ARHGAP22: variants seen among roughly 807,000 people sequenced by gnomAD.
ARHGAP22 encodes the protein Rho GTPase activating protein 22, also known as rho GTPase-activating protein 22.
A neutral mutation model predicts 59.1 loss-of-function variants in ARHGAP22; 48 were observed. That is an observed-to-expected ratio of 0.81 (90% CI 0.64 to 1.03). The LOEUF is 1.03. Ranked by LOEUF, ARHGAP22 falls within the 50% of genes least tolerant of loss-of-function variation. The pLI is 0.00. For missense variants in ARHGAP22, 1,015 were observed against 958.7 expected (o/e 1.06, Z -0.78); for synonymous variants, 445 against 416.4 (o/e 1.07, Z -0.84).
intron 1 of ARHGAP22, among the ~76,000 whole-genome samples, chr10:48,651,153 C>A (rs1440292296): frequency 3.3e-5 from 5 of 152,176 alleles, no homozygotes; most frequent in Admixed American, 1.3e-4. Context: ...CCAATTAAAC[C>A]TGCATCTCTG....
At chr10:48,533,914 C>T (rs868171551) in intron 3 of ARHGAP22, among the ~76,000 whole-genome samples, 10 of 152,250 alleles carry the variant, frequency 6.6e-5, no homozygotes, top group Non-Finnish European at 1.3e-4. Context: ...GTCTCCACTT[C>T]CAGGTGACAG....
chr10:48,453,556 C>A, intron 7 of ARHGAP22, 131 bp from the exon 8 acceptor site: 1 of 1,352,264 alleles, frequency 7.4e-7, no homozygotes, highest in Non-Finnish European at 1.0e-6. Context: ...CTGGGTGTAG[C>A]CTGCCTCTGC....
At chr10:48,645,283 T>C (rs2062246051) in intron 1 of ARHGAP22, among the ~76,000 whole-genome samples, 1 of 152,206 alleles carries the variant, frequency 6.6e-6, no homozygotes, top group African/African-American at 2.4e-5. Context: ...CAGTATTACC[T>C]TGATATTAAA....
chr10:48,529,816 T>G (rs981275130), intron 3 of ARHGAP22, among the ~76,000 whole-genome samples: 10 of 152,236 alleles, frequency 6.6e-5, no homozygotes, highest in Non-Finnish European at 1.0e-4. Flanking sequence ...TACAGTCAAT[T>G]GATCTTCAAC....
the ARHGAP22 span, among the ~76,000 whole-genome samples, chr10:48,440,158 G>A: frequency 6.6e-6 from 1 of 151,258 alleles, no homozygotes; most frequent in Non-Finnish European, 1.5e-5. Flanking sequence ...TTCCTGAAAA[G>A]GTCTATTAAC....
chr10:48,584,375 G>T (rs2059295080), intron 1 of ARHGAP22, among the ~76,000 whole-genome samples: 1 of 152,156 alleles, frequency 6.6e-6, no homozygotes, highest in African/African-American at 2.4e-5. Flanking sequence ...TAGCTGCATG[G>T]TGAGCTCCTA....
At chr10:48,610,081 T>C (rs969624231) in intron 1 of ARHGAP22, among the ~76,000 whole-genome samples, 4 of 152,182 alleles carry the variant, frequency 2.6e-5, no homozygotes, top group African/African-American at 9.7e-5. Flanking sequence ...TGGCTTCAGC[T>C]CTGCTGCCTT....
At chr10:48,503,605 T>A (rs1311963445) in intron 3 of ARHGAP22, among the ~76,000 whole-genome samples, 1 of 152,226 alleles carries the variant, frequency 6.6e-6, no homozygotes, top group Non-Finnish European at 1.5e-5. Flanking sequence ...CAGGCTATTA[T>A]CCCGCTGTCC....
chr10:48,523,630 G>A (rs1311378411), intron 3 of ARHGAP22, among the ~76,000 whole-genome samples: 1 of 152,230 alleles, frequency 6.6e-6, no homozygotes, highest in Non-Finnish European at 1.5e-5. Flanking sequence ...TAAGCCGCAG[G>A]GGCGGCGCAG....
downstream of ARHGAP22, chr10:48,444,119 T>C (rs970158941): frequency 5.9e-5 from 9 of 152,252 alleles, no homozygotes; most frequent in Admixed American, 2.0e-4. Flanking sequence ...GCAACGTGCC[T>C]CTACTGAGTC....
At chr10:48,441,160 G>A (rs1468629750), downstream of ARHGAP22, among the ~76,000 whole-genome samples, 1 of 152,152 alleles carries the variant, frequency 6.6e-6, no homozygotes, top group Non-Finnish European at 1.5e-5. Context: ...TCTAATTGTA[G>A]TTTCTTTTCT....
chr10:48,540,964 G>A (rs180743269), intron 3 of ARHGAP22, among the ~76,000 whole-genome samples: 18 of 151,984 alleles, frequency 1.2e-4, no homozygotes, highest in East Asian at 4.0e-4. Context: ...ATGTTGTTTT[G>A]CTTGAAAGTG....
intron 3 of ARHGAP22, among the ~76,000 whole-genome samples, chr10:48,516,076 T>A (rs113626278): frequency 1.3e-5 from 2 of 150,198 alleles, no homozygotes; most frequent in Non-Finnish European, 2.9e-5. Context: ...TAAAAATCTA[T>A]AAAAACAAAA....
At chr10:48,467,211 G>A (rs374109869) in intron 4 of ARHGAP22, among the ~76,000 whole-genome samples, 3 of 152,348 alleles carry the variant, frequency 2.0e-5, no homozygotes, top group East Asian at 3.9e-4. Context: ...AATCAGAGAG[G>A]TTGTGTGATT....
At chr10:48,561,134 TAGAC>T (rs1359449479) in intron 2 of ARHGAP22, among the ~76,000 whole-genome samples, 2 of 152,160 alleles carry the variant, frequency 1.3e-5, no homozygotes, top group East Asian at 3.8e-4. Context: ...AGCATTAAAA[TAGAC>T]AGATTAATGA....
At chr10:48,509,847 T>G (rs2134516351) in intron 3 of ARHGAP22, among the ~76,000 whole-genome samples, 1 of 152,322 alleles carries the variant, frequency 6.6e-6, no homozygotes, top group South Asian at 2.1e-4. Context: ...GAAGGAAGGA[T>G]GTTCTCAGAT....
intron 3 of ARHGAP22, among the ~76,000 whole-genome samples, chr10:48,482,257 C>A (rs1157118561): frequency 6.6e-6 from 1 of 152,176 alleles, no homozygotes; most frequent in Admixed American, 6.6e-5. Context: ...ACATGTAGGT[C>A]TATGAGTTAC....
rs540111131 is a variant in ARHGAP22, at chr10:48,532,124, A to G, written c.322+23339T>C. ...ATTTTCACAATAGCCTGTAAGGGTG[A>G]TATGTCATCAGATCCAATCTACAGG... On this transcript the variant is annotated intron_variant, in intron 3 of 9. Coordinates refer to ENST00000249601, the MANE Select transcript of ARHGAP22 (RefSeq NM_021226.4). Among the ~76,000 whole-genome samples the G allele has an allele frequency of 3.9e-4, 59 of 152,328 alleles. 1 individual carries two copies. The South Asian group carries it at 0.012, about 31-fold the overall frequency.
At chr10:48,435,872 A>G in the ARHGAP22 span, 1 of 152,358 alleles carries the variant, frequency 6.6e-6, no homozygotes, top group South Asian at 2.1e-4. Flanking sequence ...CAGATGGTTC[A>G]CTTCTACTAG....
Sources: gnomAD v4.1 joint callset for allele counts (sites outside exome capture counted in the v4.1 genomes callset) on GRCh38, gnomAD v4.1.1 for gene constraint, MANE v1.5 for transcripts, NCBI Gene and HGNC (gene_info 2026-07-23, HGNC 2026-07-21) for gene names.